The following LAMA4 variants were observed in gnomAD, a reference collection of about 807,000 sequenced individuals.
LAMA4 encodes the protein laminin subunit alpha 4, also known as laminin subunit alpha-4.
LAMA4 carries 127 observed loss-of-function variants against 207.1 expected under a neutral mutation model. That is an observed-to-expected ratio of 0.61 (90% confidence interval 0.53 to 0.71). The LOEUF (loss-of-function observed/expected upper bound fraction) is 0.71, where lower values mean the gene tolerates loss of function less well. Ranked by LOEUF, LAMA4 falls within the 30% of genes least tolerant of loss-of-function variation. The pLI, the probability that LAMA4 is intolerant of heterozygous loss-of-function variation, is 0.00. For missense variants in LAMA4, 2,093 were observed against 2,246.5 expected, an observed-to-expected ratio of 0.93 and a Z score of 1.38; for synonymous variants, 761 against 816.0, an observed-to-expected ratio of 0.93 and a Z score of 1.15.
chr6:112,211,748 G>C (rs530184586), intron 3 of LAMA4, among the ~76,000 whole-genome samples: 1 of 152,200 alleles, frequency 6.6e-6, no homozygotes, highest in Non-Finnish European at 1.5e-5. Flanking sequence ...GAAAACAGGG[G>C]AACAAGTTCA....
chr6:112,167,755 G>A (rs1333309224), intron 12 of LAMA4, among the ~76,000 whole-genome samples: 3 of 151,582 alleles, frequency 2.0e-5, no homozygotes, highest in Non-Finnish European at 4.4e-5. Context: ...ATTGTGTTTG[G>A]TGCTAGGAAG....
chr6:112,169,202 G>A (rs1781573433), intron 12 of LAMA4, among the ~76,000 whole-genome samples: 1 of 152,146 alleles, frequency 6.6e-6, no homozygotes, highest in African/African-American at 2.4e-5. Flanking sequence ...ACCCTAGGCA[G>A]GGGGCAGACC....
chr6:112,154,357 C>CAAAAAAAA (rs55988988), intron 16 of LAMA4, among the ~76,000 whole-genome samples: 37 of 120,200 alleles, frequency 3.1e-4, no homozygotes, highest in Non-Finnish European at 3.7e-4. Flanking sequence ...ACACAAACTA[C>CAAAAAAAA]AAAAAAAAAA....
chr6:112,175,252 C>T (rs1360586791), intron 11 of LAMA4, 61 bp downstream of exon 11: 2 of 1,518,556 alleles, frequency 1.3e-6, no homozygotes, highest in East Asian at 2.3e-5. Flanking sequence ...TTAATGTCTG[C>T]TATTGGACCC....
chr6:112,229,006 T>C (rs1369576337), intron 2 of LAMA4, among the ~76,000 whole-genome samples: 1 of 152,206 alleles, frequency 6.6e-6, no homozygotes, highest in Non-Finnish European at 1.5e-5. Flanking sequence ...ATTCACTTTC[T>C]TTCTCAGACA....
rs587630352 is a variant in LAMA4 at position 112,118,858 on chromosome 6, T to C, written c.4821+298A>G. Among the ~76,000 whole-genome samples the C allele has an allele frequency of 1.4e-3, 215 of 152,262 alleles. No individual in the cohort carries two copies. The highest frequency in any genetic ancestry group is 4.9e-3 in the African/African-American group (205 of 41,570). On this transcript the variant is annotated intron_variant, in intron 34 of 38. Coordinates refer to ENST00000230538, the MANE Select transcript of LAMA4 (RefSeq NM_001105206.3). The surrounding 1 kb of genome is among the most constrained non-coding windows in gnomAD (Gnocchi z 4.6). ...TTGTTATGTCTTTACATTAAAAGTA[T>C]GGGTACTTCCTGAACAAATAAGATC...
At chr6:112,176,270 T>C (rs1782018444) in intron 10 of LAMA4, among the ~76,000 whole-genome samples, 1 of 152,200 alleles carries the variant, frequency 6.6e-6, no homozygotes, top group African/African-American at 2.4e-5. Flanking sequence ...TTTGAATCCC[T>C]CATTCCTACT....
chr6:112,119,077 A>G, intron 34 of LAMA4, 79 bp downstream of exon 34: 1 of 1,439,178 alleles, frequency 6.9e-7, no homozygotes, highest in Non-Finnish European at 9.8e-7. Flanking sequence ...TAGTTTCCTA[A>G]TCTGTGAGAC....
In LAMA4 at chr6:112,191,775, T is replaced by C; in HGVS notation, c.579A>G (p.Ser193=). Residue 193 remains serine (S), a synonymous_variant, in exon 6 of 39, where the codon TCA becomes TCG. Transcript: ENST00000230538. ...AATCTTCAAAGATCAGGTTGGGATC[T>C]GAATTTCCACTGCAGTCACATTTCT... ...TCKKCDCSGN[S]DPNLIFEDCD... 1 of 1,614,188 alleles carries C rather than the reference T, an allele frequency of 6.2e-7. No homozygotes were observed. Among genetic ancestry groups the C allele is most frequent in the Non-Finnish European group, 8.5e-7 (1 of 1,180,016 alleles).
chr6:112,127,529 T>C (rs1214651304), intron 31 of LAMA4, among the ~76,000 whole-genome samples: 1 of 149,640 alleles, frequency 6.7e-6, no homozygotes, highest in African/African-American at 2.5e-5. Flanking sequence ...GTGAGGGAGG[T>C]GGGCAAGTAG....
At position 112,207,045 on chromosome 6, in the gene LAMA4, G is replaced by A; in HGVS notation, c.398C>T (p.Pro133Leu). ...CTTGGCCAAGTGGGGCAGGGGACAG[G>A]GGCACGGCTGGCAGAATTGGGGTGC... ...RGAPQFCQPC[P>L]CPLPHLANFA... The change falls in exon 4 of 39, where the codon CCC becomes CTC. Residue 133 changes from proline to leucine, a missense_variant. This residue lies in a region of LAMA4 where 1,704 missense variants were observed against 1,788.4 expected (regional missense o/e 0.95). Coordinates refer to ENST00000230538, the MANE Select transcript of LAMA4 (RefSeq NM_001105206.3). The A allele has an allele frequency of 1.2e-6, 2 of 1,613,964 alleles. No individual in the cohort carries two copies. Among genetic ancestry groups the A allele is most frequent in the Non-Finnish European group, 1.7e-6 (2 of 1,179,952 alleles).
chr6:112,210,016 T>G (rs1258567272), intron 3 of LAMA4, among the ~76,000 whole-genome samples: 1 of 149,150 alleles, frequency 6.7e-6, no homozygotes, highest in Non-Finnish European at 1.5e-5. Context: ...CTTTGTGCTC[T>G]CCCTCTCTCT....
At chr6:112,227,045 ATT>A (rs1785255507) in intron 2 of LAMA4, among the ~76,000 whole-genome samples, 1 of 85,426 alleles carries the variant, frequency 1.2e-5, no homozygotes, top group Non-Finnish European at 2.0e-5. Context: ...CGACTATTTT[ATT>A]TATTTATTTA....
At chr6:112,209,559 G>A (rs1784250401) in intron 3 of LAMA4, among the ~76,000 whole-genome samples, 1 of 152,184 alleles carries the variant, frequency 6.6e-6, no homozygotes, top group Non-Finnish European at 1.5e-5. Context: ...ACAGAGTGCT[G>A]GAGGCAGGGA....
chr6:112,145,000 G>A, intron 18 of LAMA4, 67 bp from the exon 19 acceptor site: 1 of 1,376,346 alleles, frequency 7.3e-7, no homozygotes, highest in Non-Finnish European at 1.0e-6. Flanking sequence ...ATCAGATGTA[G>A]ACAATAAACA....
At chr6:112,241,144 TATATGA>T (rs1285249961) in intron 2 of LAMA4, among the ~76,000 whole-genome samples, 3 of 106,140 alleles carry the variant, frequency 2.8e-5, no homozygotes, top group African/African-American at 1.0e-4. Flanking sequence ...TAGGAATATA[TATATGA>T]ATATATATAT....
intron 1 of LAMA4, 72 bp from the exon 2 acceptor site, chr6:112,254,363 T>A: frequency 1.6e-6 from 1 of 611,118 alleles, no homozygotes; most frequent in Non-Finnish European, 2.9e-6. Context: ...CTCTCTCCCC[T>A]TCTCCCCCTC....
At position 112,158,859 on chromosome 6, in the gene LAMA4, C is replaced by T; in HGVS notation, c.1690G>A (p.Glu564Lys). The change falls in exon 14 of 39, where the codon GAA becomes AAA. Residue 564 changes from glutamate to lysine, a missense_variant. Coordinates refer to ENST00000230538, the MANE Select transcript of LAMA4 (RefSeq NM_001105206.3). ...IIKNASGIYA[E>K]IDGAKSELQV... ...AGTTCACTTTTGGCTCCATCTATTT[C>T]TGCATAAATCCCTGACGCATTCTAA... is the stretch of plus-strand genomic sequence containing the variant. 6.2e-7 allele frequency: 1 copy of T among 1,611,298 alleles called. No homozygotes were observed. Among genetic ancestry groups the T allele is most frequent in the Admixed American group, 1.7e-5 (1 of 60,002 alleles).
At chr6:112,144,650 T>C (rs1779907181) in intron 19 of LAMA4, 144 bp downstream of exon 19, 2 of 970,230 alleles carry the variant, frequency 2.1e-6, no homozygotes, top group South Asian at 1.3e-5. Flanking sequence ...CCTCACGTGT[T>C]TCTAATTAGC....
Sources: gnomAD v4.1 joint callset for allele counts (sites outside exome capture counted in the v4.1 genomes callset) on GRCh38, gnomAD v4.1.1 for gene constraint, gnomAD v4.1.1 regional missense constraint, Gnocchi (gnomAD v3.1) non-coding constraint, MANE v1.5 for transcripts, NCBI Gene and HGNC (gene_info 2026-07-23, HGNC 2026-07-21) for gene names.